The following GTF2IRD2B variants were observed in gnomAD, a reference collection of about 807,000 sequenced individuals.
GTF2IRD2B encodes the protein general transcription factor II-I repeat domain-containing protein 2B.
In GTF2IRD2B, 10 loss-of-function variants were observed where a neutral mutation model predicts 55.6. The ratio of observed to expected loss-of-function variants is 0.18; its 90% CI spans 0.11 to 0.31. The LOEUF (loss-of-function observed/expected upper bound fraction) is 0.31, where lower values mean the gene tolerates loss of function less well. GTF2IRD2B is among the 10% of genes least tolerant of loss of function. The probability of loss-of-function intolerance (pLI) is 1.00; values close to 1 mark genes in which losing one functional copy is unlikely to be tolerated. For synonymous variants in GTF2IRD2B, 107 were observed against 320.5 expected (o/e 0.33, Z 7.12); for missense variants, 206 against 802.7 (o/e 0.26, Z 8.98).
At chr7:75,107,447 C>T (rs1487016907) in intron 1 of GTF2IRD2B, among the ~76,000 whole-genome samples, 9,159 of 138,166 alleles carry the variant, frequency 0.066, 58 homozygotes, top group African/African-American at 0.23. Context: ...TGGTGGCAGG[C>T]GCCTGTAGTC....
chr7:75,117,615 G>A (rs1808206152), intron 3 of GTF2IRD2B, among the ~76,000 whole-genome samples: 1 of 152,292 alleles, frequency 6.6e-6, no homozygotes, highest in South Asian at 2.1e-4. Flanking sequence ...AAGGGGCCAG[G>A]TGCAGTGGCT....
chr7:75,123,962 C>T (rs1315431511), intron 6 of GTF2IRD2B: 2 of 271,914 alleles, frequency 7.4e-6, no homozygotes, highest in Non-Finnish European at 1.4e-5. Context: ...TCGTGGCACA[C>T]ATGTGCCTAG....
At chr7:75,134,489 T>C (rs1475066690) in intron 9 of GTF2IRD2B, among the ~76,000 whole-genome samples, 1 of 134,452 alleles carries the variant, frequency 7.4e-6, no homozygotes, top group Non-Finnish European at 1.5e-5. Flanking sequence ...CAGGCACATA[T>C]GAAAACATCA....
rs1396094925 is a variant in GTF2IRD2B at position 75,136,120 on chromosome 7, G to A, written c.806-665G>A. ...CGCACCATTCCACTCCAGCCTGGGT[G>A]ACAGAGTGAGACTGTCTCAATAATG... On this transcript the variant is annotated intron_variant, in intron 10 of 15. Coordinates refer to ENST00000472837, the MANE Select transcript of GTF2IRD2B (RefSeq NM_001003795.3). Among the ~76,000 whole-genome samples the A allele has an allele frequency of 1.9e-4, 21 of 110,890 alleles. No individual in the cohort carries two copies. In the East Asian group the frequency reaches 4.5e-3, roughly 24 times the overall value. The allele number at this position is 110,890 out of a possible 152,430, so 72.7% of individuals were successfully genotyped here. A position where few individuals can be genotyped will look rare whatever the true frequency, so the allele number is the denominator to read the frequency against.
chr7:75,119,231 A>AAAAAAAAAAAAT (rs1808283862), intron 3 of GTF2IRD2B, among the ~76,000 whole-genome samples: 1 of 105,080 alleles, frequency 9.5e-6, no homozygotes, highest in Non-Finnish European at 2.2e-5. Context: ...AAAAAAAAAA[A>AAAAAAAAAAAAT]GAATGAAATG....
intron 1 of GTF2IRD2B, among the ~76,000 whole-genome samples, chr7:75,106,506 G>A (rs2032799807): frequency 7.0e-6 from 1 of 142,564 alleles, no homozygotes; most frequent in Admixed American, 7.3e-5. Context: ...GATGGTAGCT[G>A]ACAGGTACTT....
At chr7:75,146,622 T>A (rs1809149596) in intron 15 of GTF2IRD2B, 1 of 26,986 alleles carries the variant, frequency 3.7e-5, no homozygotes, top group African/African-American at 1.6e-4. Context: ...AACTCAGGAG[T>A]TTGAGACAGC....
At chr7:75,117,438 T>C (rs1410676046) in intron 3 of GTF2IRD2B, among the ~76,000 whole-genome samples, 1 of 152,298 alleles carries the variant, frequency 6.6e-6, no homozygotes, top group African/African-American at 2.4e-5. Flanking sequence ...GAGGTTGCAG[T>C]GAGCTCTCAC....
Position 75,148,374 on chromosome 7 carries a change from T to C in GTF2IRD2B, c.1927T>C (p.Cys643Arg). 6.2e-7 allele frequency: 1 copy of C among 1,611,774 alleles called. No individual in the cohort carries two copies. Among genetic ancestry groups the C allele is most frequent in the South Asian group, 1.1e-5 (1 of 91,014 alleles). The change falls in exon 16 of 16, where the codon TGC becomes CGC. Residue 643 changes from cysteine (C) to arginine (R), a missense_variant. Physicochemically the swap from Cys to Arg is radical, Grantham distance 180 (BLOSUM62 -3). Coordinates refer to ENST00000472837, the MANE Select transcript of GTF2IRD2B (RefSeq NM_001003795.3). ...ACTGAAGTCCAGGGTGGCGACGTTC[T>C]GCAAGGGTGCGGAACTGAAGTCCAT... is the stretch of plus-strand genomic sequence containing the variant. ...TKLKSRVATF[C>R]KGAELKSICC...
intron 1 of GTF2IRD2B, among the ~76,000 whole-genome samples, chr7:75,104,925 T>C (rs1185122965): frequency 6.6e-6 from 1 of 152,298 alleles, no homozygotes. Flanking sequence ...CTGGGCGCGG[T>C]GGCTCACACC....
chr7:75,112,043 A>G (rs1433100463), intron 2 of GTF2IRD2B, among the ~76,000 whole-genome samples: 2 of 16,976 alleles, frequency 1.2e-4, no homozygotes, highest in African/African-American at 2.4e-4. Flanking sequence ...GGAGATCGAG[A>G]CCATCCTGGC....
rs781954915 is a variant in GTF2IRD2B at position 75,099,737 on chromosome 7, AAAATAAATAAAT to A, written c.-6+7008_-6+7019del. ...GGGCAACAGAGCGAGACTCCGTCTC[AAAATAAATAAAT>A]AAATAAATAAATAAATAAATAAATA... On this transcript the variant is annotated intron_variant, in intron 1 of 15. Coordinates refer to ENST00000472837, the MANE Select transcript of GTF2IRD2B (RefSeq NM_001003795.3). Among the ~76,000 whole-genome samples the A allele has an allele frequency of 1.6e-3, 206 of 126,526 alleles. 1 individual carries two copies. The highest frequency in any genetic ancestry group is 5.5e-3 in the African/African-American group (185 of 33,418). 83.0% of individuals were successfully genotyped at this position (126,526 alleles called of 152,430 possible). A position where few individuals can be genotyped will look rare whatever the true frequency, so the allele number is the denominator to read the frequency against.
intron 4 of GTF2IRD2B, among the ~76,000 whole-genome samples, chr7:75,121,501 C>A (rs1319952029): frequency 6.6e-6 from 1 of 150,750 alleles, no homozygotes; most frequent in African/African-American, 2.4e-5. Context: ...CTCTGACACC[C>A]AGGCTGAAGT....
chr7:75,096,255 G>GT (rs201166356), intron 1 of GTF2IRD2B, among the ~76,000 whole-genome samples: 2 of 158 alleles, frequency 0.013, no homozygotes, highest in African/African-American at 0.071. Flanking sequence ...ATCAGTATAC[G>GT]TTTTTTTTTG....
chr7:75,101,267 C>A (rs1487470533), intron 1 of GTF2IRD2B, among the ~76,000 whole-genome samples: 1 of 149,194 alleles, frequency 6.7e-6, no homozygotes. Flanking sequence ...TACAGTTCAC[C>A]CATTTGAAGT....
At chr7:75,092,886 G>A (rs1807293839) in intron 1 of GTF2IRD2B, 121 bp downstream of exon 1, 1 of 152,304 alleles carries the variant, frequency 6.6e-6, no homozygotes, top group Non-Finnish European at 1.5e-5. Context: ...AGCGGGAGGT[G>A]GCCCCCCGGG....
At chr7:75,124,030 T>C (rs1211048541) in intron 6 of GTF2IRD2B, among the ~76,000 whole-genome samples, 1 of 146,620 alleles carries the variant, frequency 6.8e-6, no homozygotes, top group Non-Finnish European at 1.5e-5. Context: ...TTAGAAGAAA[T>C]AAAGAATATT....
chr7:75,110,768 CAT>C (rs1411997963), intron 2 of GTF2IRD2B, among the ~76,000 whole-genome samples: 1 of 56,270 alleles, frequency 1.8e-5, no homozygotes, highest in Non-Finnish European at 5.0e-5. Context: ...GCCTGGGTAA[CAT>C]AGCAAGACCT....
Position 75,112,541 on chromosome 7 carries a change from T to C in GTF2IRD2B, c.238+6T>C, listed in dbSNP as rs1434948283. 7.0e-5 allele frequency: 70 copies of C among 1,002,116 alleles called. 3 individuals are homozygous for C. The highest frequency in any genetic ancestry group is 3.2e-4 in the Middle Eastern group (1 of 3,124). 62.1% of individuals were successfully genotyped at this position (1,002,116 alleles called of 1,614,324 possible). A position where few individuals can be genotyped will look rare whatever the true frequency, so the allele number is the denominator to read the frequency against. ...GAAAGATTTTGCAAAATACTGTAGG[T>C]GTTTTAATTTTATCCTTTGTATTCC... On this transcript the variant is annotated splice_donor_region_variant and intron_variant, in intron 3 of 15. Coordinates refer to ENST00000472837, the MANE Select transcript of GTF2IRD2B (RefSeq NM_001003795.3).
Sources: allele counts gnomAD v4.1 joint callset (sites outside exome capture counted in the v4.1 genomes callset), GRCh38; gene constraint gnomAD v4.1.1; transcripts MANE v1.5; gene names NCBI Gene and HGNC (gene_info 2026-07-23, HGNC 2026-07-21).